Variants in EVC2 observed in about 807,000 individuals in gnomAD.
EVC2 encodes limbin.
EVC2 carries 148 observed loss-of-function variants against 149.3 expected under a neutral mutation model. The observed-to-expected ratio is 0.99, with a 90% CI of 0.87 to 1.14. The LOEUF is 1.14. Among genes scored for constraint, EVC2 ranks in the 50% most tolerant of loss-of-function variants. The pLI, the probability that EVC2 is intolerant of heterozygous loss-of-function variation, is 0.00. For synonymous variants in EVC2, 776 were observed against 649.9 expected, an observed-to-expected ratio of 1.19 and a Z score of -2.95; for missense variants, 1,854 against 1,627.3, an observed-to-expected ratio of 1.14 and a Z score of -2.40.
chr4:5,611,339 T>C (rs1714806922), intron 16 of EVC2, among the ~76,000 whole-genome samples: 1 of 152,174 alleles, frequency 6.6e-6, no homozygotes, highest in Non-Finnish European at 1.5e-5. Context: ...ATGAAGAGCA[T>C]CAGCTGTAAG....
intron 12 of EVC2, 125 bp from the exon 13 acceptor site, chr4:5,626,033 G>A (rs1716083843): frequency 8.4e-7 from 1 of 1,189,028 alleles, no homozygotes; most frequent in Non-Finnish European, 1.2e-6. Context: ...TTACCCTCCA[G>A]AAGAATTACA....
chr4:5,592,440 T>C (rs1712890629), intron 16 of EVC2, among the ~76,000 whole-genome samples: 2 of 152,270 alleles, frequency 1.3e-5, no homozygotes, highest in Non-Finnish European at 1.5e-5. Context: ...AGTAGGTAAC[T>C]AGTCAGATGT....
intron 16 of EVC2, among the ~76,000 whole-genome samples, chr4:5,610,796 T>TTTTC (rs1560162675): frequency 7.0e-6 from 1 of 143,336 alleles, no homozygotes; most frequent in African/African-American, 2.7e-5. Flanking sequence ...TTCCTTTTCT[T>TTTTC]TTTTTTTTTT....
intron 9 of EVC2, among the ~76,000 whole-genome samples, chr4:5,647,078 G>C (rs1717776186): frequency 1.3e-5 from 2 of 152,284 alleles, no homozygotes. Context: ...GATATGGATT[G>C]CATCTCCCTG....
chr4:5,570,738 C>A (rs1489013042), intron 19 of EVC2, among the ~76,000 whole-genome samples: 3 of 152,124 alleles, frequency 2.0e-5, no homozygotes, highest in South Asian at 2.1e-4. Context: ...AAATATGGAA[C>A]CAACCAAAGT....
In EVC2 at chr4:5,562,456, T is replaced by C. The variant is rs1722013468; in HGVS notation, c.*392A>G. 2.3e-5 allele frequency: 25 copies of C among 1,067,948 alleles called. No homozygotes were observed. The highest frequency in any genetic ancestry group is 2.9e-5 in the Non-Finnish European group (25 of 876,984). 66.2% of individuals were successfully genotyped at this position (1,067,948 alleles called of 1,614,324 possible). ...TAAACAGCTTTGTGCAAAACACATT[T>C]ATTTTTTAAAATTCCCTTTATAAAA... On this transcript the variant is annotated 3_prime_UTR_variant, in exon 22 of 22. Coordinates refer to ENST00000344408, the MANE Select transcript of EVC2 (RefSeq NM_147127.5). This position sits in a 1 kb window ranked among gnomAD's most constrained non-coding sequence, Gnocchi z 4.3.
intron 9 of EVC2, among the ~76,000 whole-genome samples, chr4:5,662,826 T>C (rs1214126624): frequency 1.3e-5 from 2 of 151,932 alleles, no homozygotes; most frequent in African/African-American, 4.8e-5. Context: ...CTGCCGGCCC[T>C]GACCTTCCCA....
intron 16 of EVC2, among the ~76,000 whole-genome samples, chr4:5,610,323 AC>A (rs2108821502): frequency 6.6e-6 from 1 of 152,314 alleles, no homozygotes; most frequent in African/African-American, 2.4e-5. Flanking sequence ...GGTGCCTGGC[AC>A]TAAAACGCAA....
At chr4:5,641,672 T>C (rs73198187) in intron 9 of EVC2, among the ~76,000 whole-genome samples, 17,061 of 152,224 alleles carry the variant, frequency 0.11, 1,288 homozygotes, top group Non-Finnish European at 0.16. Context: ...TAATTTATGT[T>C]ATGGTAAAAA....
At position 5,634,704 on chromosome 4, in the gene EVC2, C is replaced by T. The variant is rs192065568; in HGVS notation, c.1471-2672G>A. Among the ~76,000 whole-genome samples, 369 of 152,238 alleles carry T rather than the reference C, an allele frequency of 2.4e-3. 3 individuals are homozygous for T. Among genetic ancestry groups the T allele is most frequent in the African/African-American group, 7.7e-3 (320 of 41,524 alleles). On this transcript the variant is annotated intron_variant, in intron 10 of 21. Coordinates refer to ENST00000344408, the MANE Select transcript of EVC2 (RefSeq NM_147127.5). Reference sequence around the variant, plus strand: ...TTCAGAGCCTTGCAGATGTGAGTTCCACCCCTGACCTAGTTCAACCTCCTA... The same window carrying T: ...TTCAGAGCCTTGCAGATGTGAGTTCTACCCCTGACCTAGTTCAACCTCCTA...
intron 16 of EVC2, among the ~76,000 whole-genome samples, chr4:5,588,880 T>C (rs1438784858): frequency 6.6e-6 from 1 of 152,252 alleles, no homozygotes; most frequent in Non-Finnish European, 1.5e-5. Flanking sequence ...AACTTGGTGA[T>C]GCCCTTGAGC....
At chr4:5,581,751 C>T (rs756125063) in intron 17 of EVC2, among the ~76,000 whole-genome samples, 5 of 152,172 alleles carry the variant, frequency 3.3e-5, no homozygotes, top group African/African-American at 7.2e-5. Context: ...GAGAACTTCA[C>T]GGCAGCCCTT....
intron 11 of EVC2, among the ~76,000 whole-genome samples, chr4:5,629,383 G>A (rs959691578): frequency 2.0e-5 from 3 of 152,176 alleles, no homozygotes; most frequent in Non-Finnish European, 2.9e-5. Context: ...CAGACAAATG[G>A]CTGAGCAGGG....
intron 2 of EVC2, among the ~76,000 whole-genome samples, chr4:5,695,498 G>A (rs1721418110): frequency 6.6e-6 from 1 of 152,240 alleles, no homozygotes; most frequent in Non-Finnish European, 1.5e-5. Flanking sequence ...TCCCTCTTCA[G>A]TGGATGCGGC....
chr4:5,640,987 T>C lies in EVC2; in HGVS notation c.1146-149A>G. The C allele has an allele frequency of 1.1e-6, 1 of 905,576 alleles. No individual in the cohort carries two copies. The highest frequency in any genetic ancestry group is 1.5e-5 in the South Asian group (1 of 65,828). 56.1% of individuals were successfully genotyped at this position (905,576 alleles called of 1,614,324 possible). On this transcript the variant is annotated intron_variant, in intron 9 of 21. Coordinates refer to ENST00000344408, the MANE Select transcript of EVC2 (RefSeq NM_147127.5). The surrounding 1 kb of genome is among the most constrained non-coding windows in gnomAD (Gnocchi z 4.6). Reference sequence around the variant, plus strand: ...CCTTTCCCCGCTCACTTCTGCTTCATCCAGTTATTGAAGGCCATTAGCTGA... The same window carrying C: ...CCTTTCCCCGCTCACTTCTGCTTCACCCAGTTATTGAAGGCCATTAGCTGA...
intron 16 of EVC2, among the ~76,000 whole-genome samples, chr4:5,595,605 T>C (rs547479109): frequency 0.022 from 3,416 of 152,262 alleles, 61 homozygotes; most frequent in Non-Finnish European, 0.037. Context: ...TACCAGCCAC[T>C]GCAAAATCAA....
In EVC2 at chr4:5,618,865, T is replaced by C. The variant is rs139965754; in HGVS notation, c.2502-183A>G. Among the ~76,000 whole-genome samples, 101 of 152,334 alleles carry C rather than the reference T, an allele frequency of 6.6e-4. No homozygotes were observed. Among genetic ancestry groups the C allele is most frequent in the African/African-American group, 2.4e-3 (98 of 41,578 alleles). ...AGCACCTAATGCATGTCGTGCTGCA[T>C]AGGACATTGTATTGGAGCTAGGAAT... On this transcript the variant is annotated intron_variant, in intron 14 of 21. Transcript: ENST00000344408. This position sits in a 1 kb window ranked among gnomAD's most constrained non-coding sequence, Gnocchi z 4.4.
chr4:5,701,976 G>A (rs1051000918), intron 1 of EVC2, among the ~76,000 whole-genome samples: 3 of 151,778 alleles, frequency 2.0e-5, no homozygotes, highest in Non-Finnish European at 2.9e-5. Context: ...CTGGCCTCCC[G>A]CCTGCCTGCT....
chr4:5,668,281 T>C (rs1719404012), intron 7 of EVC2, among the ~76,000 whole-genome samples: 1 of 152,276 alleles, frequency 6.6e-6, no homozygotes, highest in East Asian at 1.9e-4. Flanking sequence ...CTAAGTTAGG[T>C]CAAAAACAGG....
Sources: allele counts gnomAD v4.1 joint callset (sites outside exome capture counted in the v4.1 genomes callset), GRCh38; gene constraint gnomAD v4.1.1; non-coding constraint Gnocchi (gnomAD v3.1); transcripts MANE v1.5; gene names NCBI Gene and HGNC (gene_info 2026-07-23, HGNC 2026-07-21).